The following TPR variants were observed in gnomAD, a reference collection of about 807,000 sequenced individuals.
TPR encodes the protein translocated promoter region, nuclear basket protein, also known as nucleoprotein TPR.
A neutral mutation model predicts 316.1 loss-of-function variants in TPR; 51 were observed. That is an observed-to-expected ratio of 0.16 (90% CI 0.13 to 0.20). TPR has a LOEUF of 0.20. Among genes scored for constraint, TPR ranks in the 10% least tolerant of loss-of-function variants. TPR has a pLI of 1.00. For synonymous variants in TPR, 981 were observed against 914.7 expected, an observed-to-expected ratio of 1.07 and a Z score of -1.31; for missense variants, 2,272 against 2,754.8, an observed-to-expected ratio of 0.82 and a Z score of 3.92.
intron 39 of TPR, 143 bp downstream of exon 39, chr1:186,331,355 G>T: frequency 1.8e-6 from 1 of 550,706 alleles, no homozygotes; most frequent in Non-Finnish European, 3.1e-6. Context: ...AGCAGACTCT[G>T]CAATGATTAA....
At chr1:186,334,605 T>A in intron 35 of TPR, 72 bp from the exon 36 acceptor site, 1 of 1,449,310 alleles carries the variant, frequency 6.9e-7, no homozygotes, top group Non-Finnish European at 9.3e-7. Context: ...ACACAGTGAG[T>A]ATAGGTCTCC....
intron 23 of TPR, 38 bp downstream of exon 23, chr1:186,346,097 C>CAAGTTA: frequency 1.3e-6 from 2 of 1,549,730 alleles, no homozygotes; most frequent in Non-Finnish European, 1.7e-6. Context: ...CAAATCCTTA[C>CAAGTTA]AAGTTAAAAA....
In TPR at chr1:186,373,807, A is replaced by G. The variant is rs190314395; in HGVS notation, c.152-344T>C. ...TAAAGTATTTATTACACGAGAAAAA[A>G]TTGTTTAGACAAAAAAAAACTCCTT... On this transcript the variant is annotated intron_variant, in intron 1 of 50. Transcript: ENST00000367478. Among the ~76,000 whole-genome samples the G allele has an allele frequency of 3.9e-5, 6 of 152,350 alleles. No individual in the cohort carries two copies. The East Asian group carries it at 1.2e-3, about 29-fold the overall frequency.
intron 39 of TPR, 38 bp from the exon 40 acceptor site, chr1:186,327,698 C>G: frequency 2.6e-6 from 4 of 1,562,856 alleles, no homozygotes; most frequent in Non-Finnish European, 3.5e-6. Context: ...ATTAAGAGCC[C>G]TATAAACATA....
intron 42 of TPR, among the ~76,000 whole-genome samples, chr1:186,325,314 C>T (rs1327575558): frequency 6.6e-6 from 1 of 152,114 alleles, no homozygotes; most frequent in African/African-American, 2.4e-5. Flanking sequence ...CAGGACTTAT[C>T]CAAGATTTAA....
At position 186,346,131 on chromosome 1, in the gene TPR, T is replaced by G. The variant is rs1416785165; in HGVS notation, c.3096+4A>C. ...AAAAAAATTAATACGGTTAACCTAT[T>G]TACCTGTTGTTCCATGCTCTCTATG... On this transcript the variant is annotated splice_donor_region_variant and intron_variant, in intron 23 of 50. Coordinates refer to ENST00000367478, the MANE Select transcript of TPR (RefSeq NM_003292.3). 6.3e-7 allele frequency: 1 copy of G among 1,598,518 alleles called. No homozygotes were observed. Among genetic ancestry groups the G allele is most frequent in the Non-Finnish European group, 8.5e-7 (1 of 1,174,430 alleles).
At chr1:186,370,027 C>T (rs895345218) in intron 3 of TPR, among the ~76,000 whole-genome samples, 17 of 152,140 alleles carry the variant, frequency 1.1e-4, no homozygotes, top group African/African-American at 4.1e-4. Context: ...AGATTAAGAA[C>T]CTCCGTATTG....
At chr1:186,353,183 T>C (rs970126835) in intron 18 of TPR, among the ~76,000 whole-genome samples, 3 of 152,048 alleles carry the variant, frequency 2.0e-5, no homozygotes, top group African/African-American at 2.4e-5. Context: ...CCATCCTGGC[T>C]AACACAGTGA....
Position 186,348,492 on chromosome 1 carries a change from C to G in TPR, c.2777-1034G>C, listed in dbSNP as rs139879909. ...TCAGTGGTTCTGCTTTTGCCCTTTG[C>G]CCTGTGATCTTTGTTAGATCCTTAT... On this transcript the variant is annotated intron_variant, in intron 21 of 50. Coordinates refer to ENST00000367478, the MANE Select transcript of TPR (RefSeq NM_003292.3). Among the ~76,000 whole-genome samples, 858 of 152,094 alleles carry G rather than the reference C, an allele frequency of 5.6e-3. 6 individuals carry two copies. Among genetic ancestry groups the G allele is most frequent in the African/African-American group, 0.016 (662 of 41,366 alleles).
At chr1:186,336,399 A>G (rs1030215365) in intron 33 of TPR, 97 bp downstream of exon 33, 7 of 1,172,286 alleles carry the variant, frequency 6.0e-6, no homozygotes, top group Admixed American at 3.6e-5. Flanking sequence ...AACACCCTTC[A>G]TAAGTAGATA....
chr1:186,351,869 T>G, intron 19 of TPR, 107 bp downstream of exon 19: 1 of 1,288,844 alleles, frequency 7.8e-7, no homozygotes, highest in Non-Finnish European at 1.1e-6. Flanking sequence ...TCATAATGGA[T>G]GACAAAAGTG....
chr1:186,328,193 A>G (rs1362820013), intron 39 of TPR, among the ~76,000 whole-genome samples: 1 of 152,192 alleles, frequency 6.6e-6, no homozygotes, highest in Non-Finnish European at 1.5e-5. Context: ...TTATTGGTTA[A>G]TACTCCAATA....
intron 40 of TPR, 74 bp downstream of exon 40, chr1:186,327,386 C>T (rs1658033721): frequency 7.1e-7 from 1 of 1,404,594 alleles, no homozygotes; most frequent in South Asian, 1.2e-5. Flanking sequence ...ACAGCCAATG[C>T]ATTAGTATCC....
intron 4 of TPR, among the ~76,000 whole-genome samples, chr1:186,366,083 A>G (rs1659334347): frequency 2.0e-5 from 3 of 152,254 alleles, no homozygotes; most frequent in South Asian, 4.1e-4. Context: ...CTGAAACTAT[A>G]GCAAACGGTG....
rs748167527 is a variant in TPR, at chr1:186,373,362, G to A, written c.253C>T (p.Leu85Phe). ...CQSLRLELEK[L>F]NNQLKALTEK... ...CAAAGATGAATTAAATACTTACTGA[G>A]TTTCTCTAGCTCAAGCCGCAAGCTT... The change falls in exon 2 of 51, where the codon CTC (leucine) becomes TTC (phenylalanine). Residue 85 changes from leucine (L) to phenylalanine (F), a missense_variant. Around this residue, in one of 10 missense-constraint regions of TPR, gnomAD observed 549 missense variants for 598.6 expected, o/e 0.92. Transcript: ENST00000367478. The A allele has an allele frequency of 1.2e-6, 2 of 1,610,252 alleles. No homozygotes were observed. The highest frequency in any genetic ancestry group is 3.3e-5 in the Admixed American group (2 of 59,784).
chr1:186,319,895 C>T (rs1227367247), intron 46 of TPR, among the ~76,000 whole-genome samples: 2 of 151,974 alleles, frequency 1.3e-5, no homozygotes, highest in African/African-American at 4.8e-5. Context: ...AATGTTAATA[C>T]AAAAAATATA....
chr1:186,375,246 G>C lies in TPR; in HGVS notation c.-218C>G, dbSNP rs1230412267. The C allele has an allele frequency of 1.8e-5, 26 of 1,446,422 alleles. No individual in the cohort carries two copies. The highest frequency in any genetic ancestry group is 9.1e-6 in the Non-Finnish European group (10 of 1,097,174). The allele number at this position is 1,446,422 out of a possible 1,614,324, so 89.6% of individuals were successfully genotyped here. ...TCAGCAACAGCACCTCACCGCCCGC[G>C]ACCGAAGTGCGCGCGCAGCCGTTGG... On this transcript the variant is annotated 5_prime_UTR_variant, in exon 1 of 51. Transcript: ENST00000367478.
intron 42 of TPR, 132 bp from the exon 43 acceptor site, chr1:186,324,002 G>T: frequency 2.2e-6 from 2 of 913,638 alleles, no homozygotes; most frequent in Non-Finnish European, 1.6e-6. Context: ...AAGTAGTGAG[G>T]TGTGATGGAA....
chr1:186,343,929 T>C lies in TPR; in HGVS notation c.3579A>G (p.Gln1193=), dbSNP rs2102075441. 1.2e-6 allele frequency: 2 copies of C among 1,613,534 alleles called. No individual in the cohort carries two copies. The highest frequency in any genetic ancestry group is 8.5e-7 in the Non-Finnish European group (1 of 1,179,752). The change falls in exon 26 of 51, where the codon CAA becomes CAG. Residue 1193 remains glutamine, a synonymous_variant. Transcript: ENST00000367478. ...ACCTGAGAATTTCCAAAATTTGTTC[T>C]TGAGATTTTCCTTCTTCACTGAGAG... The part of the protein sequence containing the change: ...NVSLSEEGKS[Q]EQILEILRFI...
Sources: allele counts gnomAD v4.1 joint callset (sites outside exome capture counted in the v4.1 genomes callset), GRCh38; gene constraint gnomAD v4.1.1; regional missense constraint gnomAD v4.1.1; transcripts MANE v1.5; gene names NCBI Gene and HGNC (gene_info 2026-07-23, HGNC 2026-07-21).